ERC1: variants seen among roughly 807,000 people sequenced by gnomAD.
ERC1 encodes the protein RAB6 interacting protein 2.
ERC1 carries 56 observed loss-of-function variants against 132.0 expected under a neutral mutation model. The observed-to-expected ratio is 0.42, with a 90% CI of 0.34 to 0.53. The LOEUF (loss-of-function observed/expected upper bound fraction) is 0.53. Ranked by LOEUF, ERC1 falls within the 20% of genes least tolerant of loss-of-function variation. The probability of loss-of-function intolerance (pLI) is 0.03; values close to 1 mark genes in which losing one functional copy is unlikely to be tolerated. For missense variants in ERC1, 1,202 were observed against 1,349.9 expected (o/e 0.89, Z 1.72); for synonymous variants, 478 against 476.1 (o/e 1.00, Z -0.05).
At chr12:1,350,727 A>T (rs1487544485) in intron 15 of ERC1, among the ~76,000 whole-genome samples, 1 of 152,228 alleles carries the variant, frequency 6.6e-6, no homozygotes, top group Non-Finnish European at 1.5e-5. Context: ...TTATAAAAGA[A>T]TATCTGCGCC....
intron 15 of ERC1, among the ~76,000 whole-genome samples, chr12:1,314,041 G>A (rs926107554): frequency 6.6e-6 from 1 of 152,068 alleles, no homozygotes. Flanking sequence ...ATAATGGGCT[G>A]GAGGGTATGG....
chr12:1,418,855 C>T (rs12426795), intron 17 of ERC1, among the ~76,000 whole-genome samples: 141 of 151,610 alleles, frequency 9.3e-4, no homozygotes, highest in Non-Finnish European at 1.6e-3. Context: ...AGGGACTACA[C>T]GCGTGTACCA....
intron 2 of ERC1, among the ~76,000 whole-genome samples, chr12:1,032,539 A>G (rs1199694769): frequency 6.6e-6 from 1 of 152,114 alleles, no homozygotes; most frequent in Non-Finnish European, 1.5e-5. Context: ...ATTAACTGTG[A>G]CAGGGACCCT....
At chr12:1,167,865 C>T (rs2968877) in intron 8 of ERC1, among the ~76,000 whole-genome samples, 33,611 of 151,638 alleles carry the variant, frequency 0.22, 3,960 homozygotes, top group Non-Finnish European at 0.25. Flanking sequence ...TACAGGCGCG[C>T]GCCACCACAC....
At chr12:1,132,945 T>G (rs1226719827) in intron 7 of ERC1, among the ~76,000 whole-genome samples, 1 of 151,790 alleles carries the variant, frequency 6.6e-6, no homozygotes, top group African/African-American at 2.4e-5. Flanking sequence ...AACCTCCGCC[T>G]CCTAGGTTCA....
chr12:1,132,133 A>C (rs1212177565), intron 7 of ERC1, among the ~76,000 whole-genome samples: 4 of 152,214 alleles, frequency 2.6e-5, no homozygotes, highest in African/African-American at 9.6e-5. Flanking sequence ...TGTAGAATTC[A>C]GAGCAATTAA....
intron 16 of ERC1, among the ~76,000 whole-genome samples, chr12:1,385,574 C>G (rs1409407900): frequency 2.0e-5 from 3 of 152,168 alleles, no homozygotes; most frequent in African/African-American, 7.2e-5. Context: ...CGTGAGCCAC[C>G]GCGCCCGGCC....
At chr12:1,056,847 T>C (rs1973059744) in intron 2 of ERC1, among the ~76,000 whole-genome samples, 1 of 152,174 alleles carries the variant, frequency 6.6e-6, no homozygotes, top group African/African-American at 2.4e-5. Flanking sequence ...TGCTCTTTGT[T>C]AGAAAAGAAA....
intron 17 of ERC1, chr12:1,443,149 T>A (rs2093206884): frequency 6.6e-6 from 1 of 152,160 alleles, no homozygotes; most frequent in Admixed American, 6.5e-5. Context: ...TCTGCCCTCC[T>A]CAGCCTCCCA....
At chr12:1,284,306 G>GTGTGTGTA (rs1183746577) in intron 14 of ERC1, among the ~76,000 whole-genome samples, 1 of 143,238 alleles carries the variant, frequency 7.0e-6, no homozygotes, top group East Asian at 2.0e-4. Flanking sequence ...GTGTGTGTGT[G>GTGTGTGTA]TGTATACATA....
intron 18 of ERC1, among the ~76,000 whole-genome samples, chr12:1,485,527 G>C (rs566993728): frequency 6.6e-6 from 1 of 152,090 alleles, no homozygotes; most frequent in Non-Finnish European, 1.5e-5. Context: ...ATGAAATTGG[G>C]TATTATTTTT....
chr12:1,480,757 G>A, intron 18 of ERC1: 1 of 696,224 alleles, frequency 1.4e-6, no homozygotes, highest in East Asian at 2.7e-5. Context: ...GTGGGCAGGG[G>A]GTTGAAGAGA....
At chr12:1,273,530 A>G (rs1192225371) in intron 14 of ERC1, among the ~76,000 whole-genome samples, 1 of 152,232 alleles carries the variant, frequency 6.6e-6, no homozygotes, top group Admixed American at 6.5e-5. Context: ...AGAACTTGCT[A>G]AAACAGTGGT....
At position 1,404,398 on chromosome 12, in the gene ERC1, AG is replaced by A. The variant is rs565248834; in HGVS notation, c.2926-3750del. The stretch of plus-strand genomic sequence containing the variant: ...ACTACTGTTTGCAAAAAAAAAAAAA[AG>A]TATGTTATTTGCCACCAGTTTGATA... On this transcript the variant is annotated intron_variant, in intron 16 of 18. Transcript: ENST00000360905. Among the ~76,000 whole-genome samples the A allele has an allele frequency of 8.7e-3, 1,328 of 152,054 alleles. 14 individuals are homozygous for A. The highest frequency in any genetic ancestry group is 0.029 in the African/African-American group (1,195 of 41,460).
chr12:1,256,481 T>C (rs1222318046), intron 13 of ERC1, among the ~76,000 whole-genome samples: 1 of 140,572 alleles, frequency 7.1e-6, no homozygotes, highest in Non-Finnish European at 1.5e-5. Flanking sequence ...TCAAATGTGA[T>C]GACTAAGCTT....
chr12:997,392 A>G (rs1049385727), intron 1 of ERC1, among the ~76,000 whole-genome samples: 2 of 152,232 alleles, frequency 1.3e-5, no homozygotes, highest in African/African-American at 2.4e-5. Context: ...TATCTATTAG[A>G]TACTTATTAA....
At chr12:1,000,197 TAATC>T (rs1162499768) in intron 1 of ERC1, among the ~76,000 whole-genome samples, 1 of 152,002 alleles carries the variant, frequency 6.6e-6, no homozygotes, top group African/African-American at 2.4e-5. Context: ...GGAAATAAGA[TAATC>T]AGGCCAGGCA....
intron 18 of ERC1, 87 bp downstream of exon 18, chr12:1,444,837 C>G (rs2093259429): frequency 8.0e-7 from 1 of 1,256,372 alleles, no homozygotes; most frequent in African/African-American, 1.7e-5. Context: ...CTTGGGGAAT[C>G]CAGTTGCCGT....
intron 14 of ERC1, among the ~76,000 whole-genome samples, chr12:1,266,458 G>A (rs971829898): frequency 4.0e-5 from 5 of 124,998 alleles, no homozygotes; most frequent in Non-Finnish European, 1.6e-5. Flanking sequence ...GGGCTGGAGT[G>A]TAATGGCATG....
Sources: allele counts gnomAD v4.1 joint callset (sites outside exome capture counted in the v4.1 genomes callset), GRCh38; gene constraint gnomAD v4.1.1; transcripts MANE v1.5; gene names NCBI Gene and HGNC (gene_info 2026-07-23, HGNC 2026-07-21).